The following CNTN2 variants were observed in gnomAD, a reference collection of about 807,000 sequenced individuals.
CNTN2 encodes the protein contactin-2.
CNTN2 carries 53 observed loss-of-function variants against 117.5 expected under a neutral mutation model. The observed-to-expected ratio is 0.45, with a 90% CI of 0.36 to 0.57. The LOEUF (loss-of-function observed/expected upper bound fraction) is 0.57. Ranked by LOEUF, CNTN2 falls within the 20% of genes least tolerant of loss-of-function variation. CNTN2 has a pLI of 0.00. For missense variants in CNTN2, 1,106 were observed against 1,404.3 expected, an observed-to-expected ratio of 0.79 and a Z score of 3.39; for synonymous variants, 530 against 561.7, an observed-to-expected ratio of 0.94 and a Z score of 0.80.
Position 205,059,254 on chromosome 1 carries a change from G to A in CNTN2, c.658G>A (p.Val220Ile), listed in dbSNP as rs758068126. ...CCACATGGACTTCTCCACCAAGAGC[G>A]TCTTCAGCAAGTTTGCTCAGCTCAA... ...TSHMDFSTKS[V>I]FSKFAQLNLA... Residue 220 changes from valine to isoleucine, a missense_variant, in exon 6 of 23, where the codon GTC (valine) becomes ATC (isoleucine). Val to Ile is a conservative substitution (Grantham distance 29). Transcript: ENST00000331830. The surrounding 1 kb of genome is among the most constrained non-coding windows in gnomAD (Gnocchi z 5.6). 24 of 1,614,026 alleles carry A rather than the reference G, an allele frequency of 1.5e-5. No homozygotes were observed. Among genetic ancestry groups the A allele is most frequent in the East Asian group, 6.7e-5 (3 of 44,896 alleles).
intron 2 of CNTN2, among the ~76,000 whole-genome samples, chr1:205,053,606 C>T (rs903312725): frequency 2.6e-5 from 4 of 152,202 alleles, no homozygotes; most frequent in Non-Finnish European, 5.9e-5. Flanking sequence ...AAGGTAATAG[C>T]CACATGGGAC....
chr1:205,052,761 C>G (rs894025376), intron 1 of CNTN2, among the ~76,000 whole-genome samples: 1 of 152,230 alleles, frequency 6.6e-6, no homozygotes, highest in African/African-American at 2.4e-5. Context: ...CTCTTCCGGC[C>G]TCGCCTCAAG....
chr1:205,067,009 G>A (rs1244037635), intron 15 of CNTN2, 92 bp from the exon 16 acceptor site: 3 of 1,465,672 alleles, frequency 2.0e-6, no homozygotes, highest in African/African-American at 2.8e-5. Context: ...AGTGAGGGCT[G>A]GGTAGATAAG....
intron 2 of CNTN2, among the ~76,000 whole-genome samples, chr1:205,056,571 CT>C (rs1401878205): frequency 6.6e-6 from 1 of 152,206 alleles, no homozygotes; most frequent in African/African-American, 2.4e-5. Context: ...CCCCCTACCC[CT>C]GGAAGAGGAC....
rs1020306984 is a variant in CNTN2, at chr1:205,076,416, T to A, written c.*2651T>A. On this transcript the variant is annotated 3_prime_UTR_variant, in exon 23 of 23. Transcript: ENST00000331830. ...AGATTAGATGTTTCTCAGGATCCCC[T>A]CCTGCGCAGGGGTTCTCTGATTTTC... 1 of 152,168 alleles carries A rather than the reference T, an allele frequency of 6.6e-6. No homozygotes were observed. The highest frequency in any genetic ancestry group is 6.5e-5 in the Admixed American group (1 of 15,282). The allele number at this position is 152,168 out of a possible 1,614,324, so 9.4% of individuals were successfully genotyped here. A position where few individuals can be genotyped will look rare whatever the true frequency, so the allele number is the denominator to read the frequency against.
At position 205,065,831 on chromosome 1, in the gene CNTN2, C is replaced by T. The variant is rs185787873; in HGVS notation, c.1738C>T (p.Arg580Cys). The change falls in exon 14 of 23, where the codon CGC (arginine) becomes TGC (cysteine). Residue 580 changes from arginine (R) to cysteine (C), a missense_variant. Transcript: ENST00000331830. The surrounding 1 kb of genome is among the most constrained non-coding windows in gnomAD (Gnocchi z 4.1). Reference sequence around the variant, plus strand: ...TCTGACCATCCTGAACGCCCAGCTGCGCCATGGGGGGAAGTACACGTGCAT... The same window carrying T: ...TCTGACCATCCTGAACGCCCAGCTGTGCCATGGGGGGAAGTACACGTGCAT... ...GDLTILNAQL[R>C]HGGKYTCMAQ... The T allele has an allele frequency of 8.3e-5, 133 of 1,602,938 alleles. 1 individual carries two copies. The highest frequency in any genetic ancestry group is 8.4e-5 in the Admixed American group (5 of 59,252).
rs1268892375 is a variant in CNTN2, at chr1:205,058,717, T to C, written c.487+54T>C. On this transcript the variant is annotated intron_variant, in intron 5 of 22. Transcript: ENST00000331830. This position sits in a 1 kb window ranked among gnomAD's most constrained non-coding sequence, Gnocchi z 4.3. The stretch of plus-strand genomic sequence containing the variant: ...AGAGGGCACAGGAAGGGCTTCCAGA[T>C]GCTTGGCAGAGGAAGGATGGAATAA... 1.4e-6 allele frequency: 2 copies of C among 1,401,474 alleles called. No homozygotes were observed. Among genetic ancestry groups the C allele is most frequent in the Admixed American group, 1.9e-5 (1 of 51,700 alleles). 86.8% of individuals were successfully genotyped at this position (1,401,474 alleles called of 1,614,324 possible). A position where few individuals can be genotyped will look rare whatever the true frequency, so the allele number is the denominator to read the frequency against.
Position 205,058,335 on chromosome 1 carries a change from G to T in CNTN2, c.370G>T (p.Glu124Ter). Residue 124 changes from glutamate (E) to a stop codon, truncating the protein, a stop_gained, in exon 4 of 23, where the codon GAG (glutamate) becomes TAG (stop). Transcript: ENST00000331830. LOFTEE classifies it high-confidence loss of function. The surrounding 1 kb of genome is among the most constrained non-coding windows in gnomAD (Gnocchi z 4.3). ...CCCAGTGGGCACCGTTGTCAGCAGG[G>T]AGGCCATCCTCCGCTTCGGCTGTGA... ...SNPVGTVVSR[E>*]AILRFGFLQE... The T allele has an allele frequency of 6.6e-7, 1 of 1,526,694 alleles. No homozygotes were observed. The highest frequency in any genetic ancestry group is 8.8e-7 in the Non-Finnish European group (1 of 1,135,880). The allele number at this position is 1,526,694 out of a possible 1,614,324, so 94.6% of individuals were successfully genotyped here.
Position 205,076,910 on chromosome 1 carries a change from T to C in CNTN2, c.*3145T>C, listed in dbSNP as rs894506906. The C allele has an allele frequency of 1.3e-5, 2 of 152,260 alleles. No individual in the cohort carries two copies. The highest frequency in any genetic ancestry group is 2.4e-5 in the African/African-American group (1 of 41,536). 9.4% of individuals were successfully genotyped at this position (152,260 alleles called of 1,614,324 possible). On this transcript the variant is annotated 3_prime_UTR_variant, in exon 23 of 23. Transcript: ENST00000331830. ...GGGGGTAGGTGGGGGTGTCTTTTTC[T>C]TTTCATAAAGTAACAACAGACGAGA...
At chr1:205,053,594 G>GGAA (rs1164613379) in intron 2 of CNTN2, among the ~76,000 whole-genome samples, 1 of 152,192 alleles carries the variant, frequency 6.6e-6, no homozygotes. Context: ...TGTCCAATAT[G>GGAA]GAAGGTAATA....
chr1:205,059,870 T>C lies in CNTN2; in HGVS notation c.797+188T>C. ...ACCTCTCTGGGTGAGGCATCGCATATGCCAGGGGCCTTCCATGGCCAGGAT... is the reference window on the plus strand; with the variant it reads ...ACCTCTCTGGGTGAGGCATCGCATACGCCAGGGGCCTTCCATGGCCAGGAT... On this transcript the variant is annotated intron_variant, in intron 7 of 22. Coordinates refer to ENST00000331830, the MANE Select transcript of CNTN2 (RefSeq NM_005076.5). The surrounding 1 kb of genome is among the most constrained non-coding windows in gnomAD (Gnocchi z 5.6). 1.7e-6 allele frequency: 1 copy of C among 589,854 alleles called. No homozygotes were observed. The highest frequency in any genetic ancestry group is 3.0e-6 in the Non-Finnish European group (1 of 329,056). The allele number at this position is 589,854 out of a possible 1,614,324, so 36.5% of individuals were successfully genotyped here. A position where few individuals can be genotyped will look rare whatever the true frequency, so the allele number is the denominator to read the frequency against.
At chr1:205,070,336 A>C in intron 18 of CNTN2, 90 bp from the exon 19 acceptor site, 4 of 950,216 alleles carry the variant, frequency 4.2e-6, no homozygotes, top group Non-Finnish European at 6.4e-6. Context: ...TTCCTCCAAA[A>C]TCTTAAGCAA....
At chr1:205,056,213 CAG>C (rs1359774282) in intron 2 of CNTN2, among the ~76,000 whole-genome samples, 6 of 152,334 alleles carry the variant, frequency 3.9e-5, no homozygotes, top group Non-Finnish European at 8.8e-5. Flanking sequence ...CCCCATCACC[CAG>C]CGTTCCTGGA....
At chr1:205,052,344 G>A (rs1027600490) in intron 1 of CNTN2, among the ~76,000 whole-genome samples, 2 of 152,212 alleles carry the variant, frequency 1.3e-5, no homozygotes, top group Non-Finnish European at 2.9e-5. Context: ...TGAGACTGAT[G>A]GGACAGGCAT....
intron 19 of CNTN2, 81 bp downstream of exon 19, chr1:205,070,619 T>G: frequency 1.1e-6 from 1 of 945,156 alleles, no homozygotes; most frequent in Non-Finnish European, 1.7e-6. Flanking sequence ...AGACCACTAA[T>G]CATTCCTCCT....
In CNTN2 at chr1:205,065,965, T is replaced by C. The variant is rs923934609; in HGVS notation, c.1816+56T>C. On this transcript the variant is annotated intron_variant, in intron 14 of 22. Transcript: ENST00000331830. This position sits in a 1 kb window ranked among gnomAD's most constrained non-coding sequence, Gnocchi z 4.1. ...CAACTCCCTTAAAACCCAGCTGGGC[T>C]GTTCTGACCTGCTCGCCTCATCTCC... The C allele has an allele frequency of 1.9e-5, 30 of 1,539,732 alleles. No homozygotes were observed. The African/African-American group carries it at 3.8e-4, about 20-fold the overall frequency.
At chr1:205,072,631 G>T in intron 21 of CNTN2, 36 bp downstream of exon 21, 1 of 1,474,306 alleles carries the variant, frequency 6.8e-7, no homozygotes, top group South Asian at 1.1e-5. Flanking sequence ...GAATGGGAAG[G>T]AACAGCTCCT....
Position 205,070,475 on chromosome 1 carries a change from A to C in CNTN2, c.2481A>C (p.Ser827=). 1 of 1,614,034 alleles carries C rather than the reference A, an allele frequency of 6.2e-7. No homozygotes were observed. The highest frequency in any genetic ancestry group is 8.5e-7 in the Non-Finnish European group (1 of 1,179,962). Reference sequence around the variant, plus strand: ...TGTGGGCCAAAGGGGTCTCATCCTCAGAGATGAACGTGACCTGGGAACCCG... The same window carrying C: ...TGTGGGCCAAAGGGGTCTCATCCTCCGAGATGAACGTGACCTGGGAACCCG... The part of the protein sequence containing the change: ...TKVWAKGVSS[S]EMNVTWEPVQ... Residue 827 remains serine (S), a synonymous_variant, in exon 19 of 23, where the codon TCA becomes TCC. Transcript: ENST00000331830.
chr1:205,044,789 G>A (rs764417766), intron 1 of CNTN2, among the ~76,000 whole-genome samples: 29 of 152,170 alleles, frequency 1.9e-4, no homozygotes, highest in African/African-American at 6.8e-4. Context: ...TGCTGTGATC[G>A]CACCTGGACA....
Sources: allele counts gnomAD v4.1 joint callset (sites outside exome capture counted in the v4.1 genomes callset), GRCh38; gene constraint gnomAD v4.1.1; non-coding constraint Gnocchi (gnomAD v3.1); transcripts MANE v1.5; gene names NCBI Gene and HGNC (gene_info 2026-07-23, HGNC 2026-07-21).